CHRNB4: variants seen among roughly 807,000 people sequenced by gnomAD.
CHRNB4 encodes the protein cholinergic receptor nicotinic beta 4 subunit, also known as neuronal acetylcholine receptor subunit beta-4.
CHRNB4 carries 23 observed loss-of-function variants against 40.4 expected under a neutral mutation model. The observed-to-expected ratio is 0.57, with a 90% CI of 0.41 to 0.81. The LOEUF (loss-of-function observed/expected upper bound fraction) is 0.81, where lower values mean the gene tolerates loss of function less well. CHRNB4 is among the 30% of genes least tolerant of loss of function. CHRNB4 has a pLI of 0.00. For missense variants in CHRNB4, 568 were observed against 670.6 expected (o/e 0.85, Z 1.69); for synonymous variants, 285 against 274.4 (o/e 1.04, Z -0.38).
chr15:78,650,140 T>C (rs1007453622), intron 6 of CHRNB4, among the ~76,000 whole-genome samples: 1 of 152,170 alleles, frequency 6.6e-6, no homozygotes. Flanking sequence ...GGCTGAGCAA[T>C]TGTCCATAGG....
chr15:78,630,457 T>C (rs538380356), intron 4 of CHRNB4, among the ~76,000 whole-genome samples: 4 of 152,200 alleles, frequency 2.6e-5, no homozygotes, highest in Non-Finnish European at 5.9e-5. Flanking sequence ...CTCTTAAGGC[T>C]TCCCATGGAA....
intron 2 of CHRNB4, among the ~76,000 whole-genome samples, chr15:78,633,771 C>T (rs1192475583): frequency 1.3e-5 from 2 of 151,954 alleles, no homozygotes; most frequent in Non-Finnish European, 2.9e-5. Flanking sequence ...GTGTCAAGTA[C>T]AGGGGAGATG....
At chr15:78,653,584 C>A (rs1220996640) in intron 5 of CHRNB4, among the ~76,000 whole-genome samples, 1 of 152,204 alleles carries the variant, frequency 6.6e-6, no homozygotes, top group Admixed American at 6.5e-5. Flanking sequence ...GATATTCAAA[C>A]CTCCTAGCTG....
At chr15:78,631,814 C>G (rs1356770554) in intron 2 of CHRNB4, among the ~76,000 whole-genome samples, 1 of 152,092 alleles carries the variant, frequency 6.6e-6, no homozygotes, top group East Asian at 1.9e-4. Context: ...ATCTCAATCC[C>G]TTCTACTAAT....
intron 7 of CHRNB4, among the ~76,000 whole-genome samples, chr15:78,647,003 G>A (rs2054128013): frequency 6.6e-6 from 1 of 152,090 alleles, no homozygotes; most frequent in Non-Finnish European, 1.5e-5. Context: ...TTAGCTGGGT[G>A]TGCTGGTGTG....
intron 1 of CHRNB4, among the ~76,000 whole-genome samples, chr15:78,637,559 T>C (rs913597718): frequency 2.6e-5 from 4 of 151,764 alleles, no homozygotes; most frequent in African/African-American, 9.7e-5. Flanking sequence ...GTCGATTACA[T>C]CTTCCTGCAA....
intron 2 of CHRNB4, 146 bp downstream of exon 2, chr15:78,635,293 T>C (rs1009461297): frequency 6.5e-6 from 6 of 926,292 alleles, no homozygotes; most frequent in East Asian, 2.6e-5. Context: ...ATGAACTTCA[T>C]GGACCCTTCT....
Position 78,629,144 on chromosome 15 carries a change from C to T in CHRNB4, c.1161G>A (p.Met387Ile). ...CTGCAGAGGCGGGGTTCACAAAGTA[C>T]ATGGAGTTCCCATAGAAGTTGGAGG... is the stretch of plus-strand genomic sequence containing the variant. Reference protein sequence around the residue: ...TSPSNFYGNSMYFVNPASAAS... With the variant: ...TSPSNFYGNSIYFVNPASAAS... The change falls in exon 5 of 6, where the codon ATG becomes ATA. Residue 387 changes from methionine to isoleucine, a missense_variant. By Grantham distance (10) the Met-to-Ile change is conservative (BLOSUM62 1). Coordinates refer to ENST00000261751, the MANE Select transcript of CHRNB4 (RefSeq NM_000750.5). The surrounding 1 kb of genome is among the most constrained non-coding windows in gnomAD (Gnocchi z 6.8). The T allele has an allele frequency of 6.2e-7, 1 of 1,614,148 alleles. No individual in the cohort carries two copies. Among genetic ancestry groups the T allele is most frequent in the Non-Finnish European group, 8.5e-7 (1 of 1,180,008 alleles).
chr15:78,646,604 CA>C (rs1411992328), intron 7 of CHRNB4, among the ~76,000 whole-genome samples: 2 of 152,176 alleles, frequency 1.3e-5, no homozygotes, highest in Non-Finnish European at 2.9e-5. Context: ...TCCTGGTTCA[CA>C]GAGGGCCATC....
chr15:78,654,824 A>G (rs533554997), intron 5 of CHRNB4, among the ~76,000 whole-genome samples: 51 of 152,332 alleles, frequency 3.3e-4, no homozygotes, highest in African/African-American at 1.1e-3. Flanking sequence ...CCAGCTCAAG[A>G]CACAGACATT....
chr15:78,631,170 G>A lies in CHRNB4; in HGVS notation c.265C>T (p.Arg89Cys), dbSNP rs752904319. ...VWLKQEWTDY[R>C]LTWNSSRYEG... is the part of the protein sequence containing the mutation. ...TAGCGGGAGCTGTTCCAGGTCAGGC[G>A]GTAATCAGTCCATTCCTGGACAGAC... is the stretch of plus-strand genomic sequence containing the variant. Residue 89 changes from arginine to cysteine, a missense_variant, in exon 4 of 6, where the codon CGC becomes TGC. Arg to Cys is a radical substitution (Grantham distance 180, BLOSUM62 -3). This residue lies in a region of CHRNB4 where 161 missense variants were observed against 148.1 expected (regional missense o/e 1.09). Transcript: ENST00000261751. 24 of 1,614,088 alleles carry A rather than the reference G, an allele frequency of 1.5e-5. No individual in the cohort carries two copies. Among genetic ancestry groups the A allele is most frequent in the South Asian group, 4.4e-5 (4 of 91,086 alleles).
intron 4 of CHRNB4, chr15:78,630,782 G>T: frequency 2.8e-6 from 1 of 355,052 alleles, no homozygotes; most frequent in Admixed American, 3.9e-5. Flanking sequence ...GGCTCAAAAG[G>T]ATAGTATGGA....
At chr15:78,657,382 A>T (rs1348525764) in exon 3 of CHRNB4, 1 of 152,076 alleles carries the variant, frequency 6.6e-6, no homozygotes, top group East Asian at 1.9e-4. Flanking sequence ...GCTGCACAAC[A>T]CCTAATAGGA....
intron 1 of CHRNB4, chr15:78,660,370 C>CTT (rs1374973460): frequency 6.6e-6 from 1 of 152,330 alleles, no homozygotes; most frequent in Non-Finnish European, 1.5e-5. Flanking sequence ...CTGGCTCACC[C>CTT]TTAAATTGTT....
chr15:78,635,703 A>C, intron 1 of CHRNB4, 116 bp from the exon 2 acceptor site: 6 of 1,395,398 alleles, frequency 4.3e-6, no homozygotes, highest in Non-Finnish European at 4.9e-6. Flanking sequence ...TGGCTGAAGC[A>C]GCGAAGGTGC....
chr15:78,630,402 T>G (rs1273199567), intron 4 of CHRNB4, among the ~76,000 whole-genome samples: 1 of 152,074 alleles, frequency 6.6e-6, no homozygotes, highest in East Asian at 1.9e-4. Context: ...CCTCCCAAAG[T>G]GCTGGGATTA....
chr15:78,645,162 C>T (rs553388736), upstream of CHRNB4, among the ~76,000 whole-genome samples: 489 of 152,298 alleles, frequency 3.2e-3, 2 homozygotes, highest in Non-Finnish European at 6.1e-3. Flanking sequence ...CCCTAGTCAT[C>T]CCAGGGCCAT....
exon 6 of CHRNB4, chr15:78,652,671 T>A (rs533425443): frequency 2.5e-4 from 38 of 152,366 alleles, no homozygotes; most frequent in African/African-American, 8.7e-4. Flanking sequence ...CGACTTTCCA[T>A]CTATAGATGG....
At chr15:78,635,665 T>C (rs1317303865) in intron 1 of CHRNB4, 78 bp from the exon 2 acceptor site, 1 of 1,585,740 alleles carries the variant, frequency 6.3e-7, no homozygotes, top group Non-Finnish European at 8.6e-7. Context: ...CAGGGAGAGC[T>C]GAGAGGGAGC....
Sources: allele counts gnomAD v4.1 joint callset (sites outside exome capture counted in the v4.1 genomes callset), GRCh38; gene constraint gnomAD v4.1.1; regional missense constraint gnomAD v4.1.1; non-coding constraint Gnocchi (gnomAD v3.1); transcripts MANE v1.5; gene names NCBI Gene and HGNC (gene_info 2026-07-23, HGNC 2026-07-21).